Variants in GNAI1 observed in about 807,000 individuals in gnomAD.
The protein encoded by GNAI1 is guanine nucleotide-binding protein G(i) subunit alpha-1.
In GNAI1, 11 loss-of-function variants were observed where a neutral mutation model predicts 38.9. That is an observed-to-expected ratio of 0.28 (90% CI 0.18 to 0.47). The LOEUF (loss-of-function observed/expected upper bound fraction) is 0.47. GNAI1 is among the 20% of genes least tolerant of loss of function. The probability of loss-of-function intolerance (pLI) is 0.99; values close to 1 mark genes in which losing one functional copy is unlikely to be tolerated. For synonymous variants in GNAI1, 166 were observed against 145.1 expected, an observed-to-expected ratio of 1.14 and a Z score of -1.04; for missense variants, 317 against 436.9, an observed-to-expected ratio of 0.73 and a Z score of 2.45.
chr7:80,165,176 A>G (rs1787991824), intron 1 of GNAI1, among the ~76,000 whole-genome samples: 2 of 152,120 alleles, frequency 1.3e-5, no homozygotes, highest in African/African-American at 4.8e-5. Context: ...ACTTTTTGGT[A>G]GAAGTTGTGA....
chr7:80,168,545 G>A (rs902311772), intron 1 of GNAI1, among the ~76,000 whole-genome samples: 6 of 151,952 alleles, frequency 3.9e-5, no homozygotes, highest in African/African-American at 9.7e-5. Context: ...CCGCCACCAC[G>A]CCCGGCTAAT....
At chr7:80,140,690 C>T (rs752728646) in intron 1 of GNAI1, among the ~76,000 whole-genome samples, 5 of 152,178 alleles carry the variant, frequency 3.3e-5, no homozygotes, top group Admixed American at 6.5e-5. Context: ...TCTGTCATAA[C>T]TTGTTAGTGC....
rs116360308 is a variant in GNAI1, at chr7:80,195,343, T to C, written c.304-3882T>C. On this transcript the variant is annotated intron_variant, in intron 3 of 7. Coordinates refer to ENST00000649796, the MANE Select transcript of GNAI1 (RefSeq NM_002069.6). Reference sequence around the variant, plus strand: ...AATTAACTTTTTATTTTAGGCTTTTTCCCCCCTTTTAAGTATTCTTATGGG... The same window carrying C: ...AATTAACTTTTTATTTTAGGCTTTTCCCCCCCTTTTAAGTATTCTTATGGG... 4.2e-3 allele frequency among the ~76,000 whole-genome samples: 643 copies of C among 151,990 alleles called. 4 individuals are homozygous for C. The highest frequency in any genetic ancestry group is 0.014 in the African/African-American group (601 of 41,510).
intron 4 of GNAI1, among the ~76,000 whole-genome samples, chr7:80,200,485 T>C (rs1788666614): frequency 6.6e-6 from 1 of 152,180 alleles, no homozygotes; most frequent in African/African-American, 2.4e-5. Context: ...TGCATTTGTT[T>C]TACTTTCCAG....
chr7:80,208,265 T>G (rs1218160582), intron 5 of GNAI1, among the ~76,000 whole-genome samples: 2 of 152,190 alleles, frequency 1.3e-5, no homozygotes, highest in African/African-American at 4.8e-5. Flanking sequence ...ATTTTTGCTC[T>G]TTTTAAATAG....
At chr7:80,189,575 C>G (rs1218956420) in intron 3 of GNAI1, among the ~76,000 whole-genome samples, 1 of 152,110 alleles carries the variant, frequency 6.6e-6, no homozygotes, top group Admixed American at 6.6e-5. Context: ...TCTTCAAAAT[C>G]TGTTTCTGCA....
At chr7:80,204,935 A>G (rs1267752089) in intron 5 of GNAI1, among the ~76,000 whole-genome samples, 1 of 152,208 alleles carries the variant, frequency 6.6e-6, no homozygotes, top group East Asian at 1.9e-4. Context: ...AAAAATACAG[A>G]TGTTCCTTTT....
chr7:80,160,358 C>T (rs559588018), intron 1 of GNAI1, among the ~76,000 whole-genome samples: 16 of 151,462 alleles, frequency 1.1e-4, no homozygotes, highest in East Asian at 3.9e-4. Flanking sequence ...TTTAATAACT[C>T]GTTTGTGTTT....
rs949466803 is a variant in GNAI1 at position 80,224,215 on chromosome 7, A to G, written c.*6722A>G. 2.6e-5 allele frequency among the ~76,000 whole-genome samples: 4 copies of G among 152,244 alleles called. No individual in the cohort carries two copies. Among genetic ancestry groups the G allele is most frequent in the Non-Finnish European group, 5.9e-5 (4 of 68,050 alleles). Reference sequence around the variant, plus strand: ...ATTTATTGAGTGCCTACTGTGTGCTAGGTACTTTTCTGGGTACCTTACTAA... The same window carrying G: ...ATTTATTGAGTGCCTACTGTGTGCTGGGTACTTTTCTGGGTACCTTACTAA... On this transcript the variant is annotated 3_prime_UTR_variant, in exon 8 of 8. Coordinates refer to ENST00000649796, the MANE Select transcript of GNAI1 (RefSeq NM_002069.6).
rs775818036 is a variant in GNAI1, at chr7:80,135,271, G to C, written c.111G>C (p.Leu37=). The change falls in exon 1 of 8, where the codon CTG becomes CTC. Residue 37 remains leucine, a synonymous_variant. Transcript: ENST00000649796. Reference sequence around the variant, plus strand: ...AGGCGGCGCGCGAGGTCAAGCTGCTGCTGCTCGGTAAGGGCGGCCGGGTCG... The same window carrying C: ...AGGCGGCGCGCGAGGTCAAGCTGCTCCTGCTCGGTAAGGGCGGCCGGGTCG... ...GEKAAREVKL[L]LLGAGESGKS... 9.3e-6 allele frequency: 14 copies of C among 1,499,304 alleles called. No homozygotes were observed. The highest frequency in any genetic ancestry group is 4.3e-4 in the Middle Eastern group (2 of 4,688). The allele number at this position is 1,499,304 out of a possible 1,614,324, so 92.9% of individuals were successfully genotyped here. A position where few individuals can be genotyped will look rare whatever the true frequency, so the allele number is the denominator to read the frequency against.
At chr7:80,200,634 G>A (rs544711762) in intron 4 of GNAI1, among the ~76,000 whole-genome samples, 2 of 152,214 alleles carry the variant, frequency 1.3e-5, no homozygotes, top group Non-Finnish European at 2.9e-5. Flanking sequence ...CCTGAAGAGC[G>A]AATTATTTGT....
chr7:80,155,146 G>A (rs1787796417), intron 1 of GNAI1, among the ~76,000 whole-genome samples: 1 of 152,076 alleles, frequency 6.6e-6, no homozygotes, highest in African/African-American at 2.4e-5. Flanking sequence ...GTGGGATTAT[G>A]CAATTTTTGA....
At chr7:80,155,902 A>T (rs970122046) in intron 1 of GNAI1, among the ~76,000 whole-genome samples, 1 of 151,956 alleles carries the variant, frequency 6.6e-6, no homozygotes, top group Non-Finnish European at 1.5e-5. Flanking sequence ...AAAATTACAA[A>T]AATATTAGGC....
chr7:80,195,796 A>G (rs1451454980), intron 3 of GNAI1, among the ~76,000 whole-genome samples: 2 of 150,732 alleles, frequency 1.3e-5, no homozygotes, highest in Non-Finnish European at 3.0e-5. Flanking sequence ...TGCTTTAAAA[A>G]CTCTGTCATT....
intron 5 of GNAI1, among the ~76,000 whole-genome samples, chr7:80,207,322 AC>A (rs1240128334): frequency 6.6e-6 from 1 of 152,044 alleles, no homozygotes; most frequent in African/African-American, 2.4e-5. Flanking sequence ...TTATTTCAGG[AC>A]CATAGTTTTC....
intron 3 of GNAI1, among the ~76,000 whole-genome samples, chr7:80,198,365 G>A (rs558645810): frequency 1.5e-4 from 23 of 152,084 alleles, no homozygotes; most frequent in African/African-American, 4.8e-4. Flanking sequence ...AAAAAATGTA[G>A]CTATTAGAAT....
intron 1 of GNAI1, among the ~76,000 whole-genome samples, chr7:80,173,095 T>G (rs1269334902): frequency 5.3e-5 from 8 of 152,120 alleles, no homozygotes; most frequent in Non-Finnish European, 7.3e-5. Context: ...TGGGTACTGG[T>G]ACCACTTCTG....
At chr7:80,141,927 T>C (rs1008143770) in intron 1 of GNAI1, among the ~76,000 whole-genome samples, 8 of 152,310 alleles carry the variant, frequency 5.3e-5, no homozygotes, top group Middle Eastern at 3.4e-3. Context: ...TTTGATAACA[T>C]GTTTCACCTT....
intron 1 of GNAI1, among the ~76,000 whole-genome samples, chr7:80,173,887 T>A (rs1230555257): frequency 6.6e-6 from 1 of 152,200 alleles, no homozygotes; most frequent in Non-Finnish European, 1.5e-5. Flanking sequence ...GTTACCACAC[T>A]GTCTGAAAAT....
Sources: gnomAD v4.1 joint callset for allele counts (sites outside exome capture counted in the v4.1 genomes callset) on GRCh38, gnomAD v4.1.1 for gene constraint, MANE v1.5 for transcripts, NCBI Gene and HGNC (gene_info 2026-07-23, HGNC 2026-07-21) for gene names.